GMDS: variants seen among roughly 807,000 people sequenced by gnomAD.
The protein encoded by GMDS is GDP-mannose 4,6 dehydratase.
Under a neutral mutation model 49.9 loss-of-function variants are expected in GMDS, and 20 were observed. The ratio of observed to expected loss-of-function variants is 0.40; its 90% CI spans 0.28 to 0.58. GMDS has a LOEUF of 0.58. GMDS is among the 20% of genes least tolerant of loss of function. GMDS has a pLI of 0.42. For missense variants in GMDS, 362 were observed against 481.4 expected (o/e 0.75, Z 2.32); for synonymous variants, 177 against 178.6 (o/e 0.99, Z 0.07).
intron 4 of GMDS, among the ~76,000 whole-genome samples, chr6:1,984,753 G>A (rs560983772): frequency 7.9e-5 from 12 of 152,256 alleles, no homozygotes; most frequent in East Asian, 3.9e-4. Context: ...CAGAGCTTTC[G>A]GGTGAAGTTC....
In GMDS at chr6:1,778,484, G is replaced by A. The variant is rs925474558; in HGVS notation, c.772-35898C>T. Reference sequence around the variant, plus strand: ...GAACTGTGGAATTCAAGAGGAGGGGGCAGCCTTCCTGACCTGGAACTTACT... The same window carrying A: ...GAACTGTGGAATTCAAGAGGAGGGGACAGCCTTCCTGACCTGGAACTTACT... On this transcript the variant is annotated intron_variant, in intron 7 of 10. Transcript: ENST00000380815. The surrounding 1 kb of genome is among the most constrained non-coding windows in gnomAD (Gnocchi z 4.6). 1.3e-5 allele frequency among the ~76,000 whole-genome samples: 2 copies of A among 152,148 alleles called. No individual in the cohort carries two copies. The highest frequency in any genetic ancestry group is 2.9e-5 in the Non-Finnish European group (2 of 68,014).
chr6:2,179,160 C>A (rs1778411710), intron 1 of GMDS, among the ~76,000 whole-genome samples: 1 of 152,126 alleles, frequency 6.6e-6, no homozygotes, highest in Non-Finnish European at 1.5e-5. Context: ...TATTACAGAA[C>A]AATCCAACTT....
chr6:1,851,624 T>G (rs1757677192), intron 7 of GMDS, among the ~76,000 whole-genome samples: 1 of 152,152 alleles, frequency 6.6e-6, no homozygotes, highest in Non-Finnish European at 1.5e-5. Context: ...GCTATAAATG[T>G]GGGCCAGCTA....
At chr6:1,847,197 AGGT>A (rs1757450504) in intron 7 of GMDS, among the ~76,000 whole-genome samples, 1 of 151,990 alleles carries the variant, frequency 6.6e-6, no homozygotes, top group South Asian at 2.1e-4. Flanking sequence ...CTGGGACTAC[AGGT>A]ACAAGCCACC....
chr6:1,913,318 T>C, intron 7 of GMDS, among the ~76,000 whole-genome samples: 1 of 147,326 alleles, frequency 6.8e-6, no homozygotes, highest in Admixed American at 6.8e-5. Flanking sequence ...GAGGCGGAGC[T>C]TGCAGTGAGC....
intron 7 of GMDS, among the ~76,000 whole-genome samples, chr6:1,832,113 G>A (rs1184336261): frequency 6.6e-6 from 1 of 151,770 alleles, no homozygotes; most frequent in African/African-American, 2.4e-5. Flanking sequence ...CTAGCACTCT[G>A]GGAGGCCAAG....
At chr6:1,795,227 C>T (rs1244859834) in intron 7 of GMDS, among the ~76,000 whole-genome samples, 1 of 152,058 alleles carries the variant, frequency 6.6e-6, no homozygotes, top group African/African-American at 2.4e-5. Context: ...TCATCATCAT[C>T]AAAAATGAAT....
intron 4 of GMDS, among the ~76,000 whole-genome samples, chr6:2,005,498 T>C (rs576255360): frequency 3.3e-4 from 51 of 152,288 alleles, no homozygotes; most frequent in Non-Finnish European, 5.4e-4. Flanking sequence ...AAAATCTACT[T>C]TAACAGTTTT....
intron 4 of GMDS, among the ~76,000 whole-genome samples, chr6:2,036,856 C>G (rs1341874675): frequency 6.6e-6 from 1 of 152,176 alleles, no homozygotes; most frequent in Non-Finnish European, 1.5e-5. Context: ...TCCAAATTAA[C>G]GTGGCGTAGC....
chr6:1,989,941 G>C (rs1765825800), intron 4 of GMDS, among the ~76,000 whole-genome samples: 2 of 152,232 alleles, frequency 1.3e-5, no homozygotes, highest in Admixed American at 6.5e-5. Context: ...GTAGAAGATG[G>C]ATACAAATAT....
chr6:1,947,966 G>A (rs1395092203), intron 6 of GMDS, among the ~76,000 whole-genome samples: 2 of 152,024 alleles, frequency 1.3e-5, no homozygotes, highest in African/African-American at 2.4e-5. Flanking sequence ...TTTAAGTTGC[G>A]AGGTGGCACA....
chr6:1,786,045 C>T (rs993626870), intron 7 of GMDS, among the ~76,000 whole-genome samples: 4 of 152,176 alleles, frequency 2.6e-5, no homozygotes, highest in Non-Finnish European at 4.4e-5. Context: ...AAAAAATTCA[C>T]GTAAAACCAG....
chr6:2,009,072 T>C (rs1260515505), intron 4 of GMDS, among the ~76,000 whole-genome samples: 1 of 152,210 alleles, frequency 6.6e-6, no homozygotes, highest in Non-Finnish European at 1.5e-5. Context: ...GTATTTTTAT[T>C]CTAATTTAAA....
chr6:1,830,358 T>C (rs1052250871), intron 7 of GMDS, among the ~76,000 whole-genome samples: 1 of 152,208 alleles, frequency 6.6e-6, no homozygotes, highest in Non-Finnish European at 1.5e-5. Flanking sequence ...CCACTAGGTA[T>C]CAAGACCATT....
chr6:2,138,558 T>C lies in GMDS; in HGVS notation c.103-13827A>G, dbSNP rs189501870. ...TCTCATGTTGAAATGTGATCCTCAA[T>C]GTTGAAGGTGCGGTCTAGTGGGAGG... On this transcript the variant is annotated intron_variant, in intron 1 of 10. Transcript: ENST00000380815. 3.3e-5 allele frequency among the ~76,000 whole-genome samples: 5 copies of C among 152,280 alleles called. No homozygotes were observed. In the East Asian group the frequency reaches 7.7e-4, roughly 23 times the overall value.
intron 1 of GMDS, among the ~76,000 whole-genome samples, chr6:2,237,706 G>C (rs1022573190): frequency 8.6e-5 from 13 of 151,886 alleles, no homozygotes; most frequent in Admixed American, 7.9e-4. Context: ...ATTTTTAGTA[G>C]AGATGGGGTT....
intron 4 of GMDS, among the ~76,000 whole-genome samples, chr6:1,979,357 G>C (rs2127343449): frequency 6.6e-6 from 1 of 152,316 alleles, no homozygotes. Context: ...CAACCTGATA[G>C]AGCTAAGCTA....
At chr6:1,882,679 A>C (rs1245574858) in intron 7 of GMDS, among the ~76,000 whole-genome samples, 5 of 152,264 alleles carry the variant, frequency 3.3e-5, no homozygotes, top group Admixed American at 2.6e-4. Flanking sequence ...AAAAGGATCC[A>C]AACACAATTA....
rs140636913 is a variant in GMDS, at chr6:2,139,052, T to C, written c.103-14321A>G. On this transcript the variant is annotated intron_variant, in intron 1 of 10. Coordinates refer to ENST00000380815, the MANE Select transcript of GMDS (RefSeq NM_001500.4). ...TAGTTACCTTAATTTTATATATCAC[T>C]TAAACATTTCTGGGGGATGAGGGAT... Among the ~76,000 whole-genome samples the C allele has an allele frequency of 5.3e-3, 800 of 152,260 alleles. 5 individuals are homozygous for C. The highest frequency in any genetic ancestry group is 6.1e-3 in the Non-Finnish European group (416 of 68,024).
Sources: gnomAD v4.1 joint callset for allele counts (sites outside exome capture counted in the v4.1 genomes callset) on GRCh38, gnomAD v4.1.1 for gene constraint, Gnocchi (gnomAD v3.1) non-coding constraint, MANE v1.5 for transcripts, NCBI Gene and HGNC (gene_info 2026-07-23, HGNC 2026-07-21) for gene names.